Variants in MEF2D observed in about 807,000 individuals in gnomAD.
MEF2D encodes the protein myocyte enhancer factor 2D.
MEF2D carries 10 observed loss-of-function variants against 59.3 expected under a neutral mutation model. The ratio of observed to expected loss-of-function variants is 0.17; its 90% CI spans 0.10 to 0.29. The LOEUF (loss-of-function observed/expected upper bound fraction) is 0.29. Among genes scored for constraint, MEF2D ranks in the 10% least tolerant of loss-of-function variants. MEF2D has a pLI of 1.00. For missense variants in MEF2D, 508 were observed against 699.4 expected (o/e 0.73, Z 3.09); for synonymous variants, 305 against 295.0 (o/e 1.03, Z -0.35).
rs1671669907 is a variant in MEF2D at position 156,477,147 on chromosome 1, G to C, written c.720C>G (p.Gly240=). ...ASPGLLPVAN[G]NSLNKVIPAK... ...CAGGGATGACCTTGTTTAGGCTGTT[G>C]CCATTGGCCACAGGGAGGAGGCCAG... The change falls in exon 7 of 12, where the codon GGC becomes GGG. Residue 240 remains glycine (G), a synonymous_variant. Transcript: ENST00000348159. 2 of 1,613,824 alleles carry C rather than the reference G, an allele frequency of 1.2e-6. No individual in the cohort carries two copies. Among genetic ancestry groups the C allele is most frequent in the East Asian group, 4.5e-5 (2 of 44,868 alleles).
chr1:156,477,278 A>C, intron 6 of MEF2D, 76 bp from the exon 7 acceptor site: 3 of 1,281,588 alleles, frequency 2.3e-6, no homozygotes, highest in Non-Finnish European at 2.2e-6. Flanking sequence ...CCCCACACCA[A>C]TACTCCTGTT....
Position 156,482,602 on chromosome 1 carries a change from C to T in MEF2D, c.93G>A (p.Lys31=). 1 of 1,614,230 alleles carries T rather than the reference C, an allele frequency of 6.2e-7. No individual in the cohort carries two copies. The highest frequency in any genetic ancestry group is 8.5e-7 in the Non-Finnish European group (1 of 1,180,044). The change falls in exon 3 of 12, where the codon AAG becomes AAA. Residue 31 remains lysine (K), a synonymous_variant. Coordinates refer to ENST00000348159, the MANE Select transcript of MEF2D (RefSeq NM_005920.4). Reference sequence around the variant, plus strand: ...CACATAGCACGCTCAGCTCATACGCCTTCTTCATCAGGCCAAACTTCCGCT... The same window carrying T: ...CACATAGCACGCTCAGCTCATACGCTTTCTTCATCAGGCCAAACTTCCGCT... ...FTKRKFGLMK[K]AYELSVLCDC...
chr1:156,495,440 G>A (rs1673072554), intron 1 of MEF2D, among the ~76,000 whole-genome samples: 1 of 152,146 alleles, frequency 6.6e-6, no homozygotes, highest in African/African-American at 2.4e-5. Context: ...TTGGCACACA[G>A]GAACATAAGA....
At chr1:156,475,770 C>T (rs553706736) in intron 8 of MEF2D, among the ~76,000 whole-genome samples, 3 of 152,348 alleles carry the variant, frequency 2.0e-5, no homozygotes, top group African/African-American at 4.8e-5. Context: ...CCGTGTTGGC[C>T]GCCAAAGCCT....
intron 9 of MEF2D, 39 bp from the exon 10 acceptor site, chr1:156,469,059 G>A (rs773305556): frequency 1.3e-6 from 2 of 1,563,322 alleles, no homozygotes; most frequent in Admixed American, 1.7e-5. Context: ...TGGAGTTGGG[G>A]AGAGCACACA....
intron 1 of MEF2D, among the ~76,000 whole-genome samples, chr1:156,484,871 G>A (rs1474635707): frequency 6.6e-6 from 1 of 152,196 alleles, no homozygotes; most frequent in Non-Finnish European, 1.5e-5. Flanking sequence ...CTTGGGGACT[G>A]GAAGGGCCCA....
At chr1:156,480,798 G>C (rs753369254) in intron 4 of MEF2D, 36 bp downstream of exon 4, 8 of 1,594,726 alleles carry the variant, frequency 5.0e-6, no homozygotes, top group Non-Finnish European at 6.8e-6. Flanking sequence ...GGGGCCGGAA[G>C]GGGGGGCCAA....
At position 156,463,852 on chromosome 1, in the gene MEF2D, T is replaced by C. The variant is rs1670669752; in HGVS notation, c.*3793A>G. ...TGTCTTTTCTTATTGTGTAGAATAC[T>C]AAGAAAGCATCACCATACAGCACGA... On this transcript the variant is annotated 3_prime_UTR_variant, in exon 12 of 12. Coordinates refer to ENST00000348159, the MANE Select transcript of MEF2D (RefSeq NM_005920.4). The C allele has an allele frequency of 6.6e-6, 1 of 152,646 alleles. No homozygotes were observed. Among genetic ancestry groups the C allele is most frequent in the Non-Finnish European group, 1.5e-5 (1 of 68,036 alleles). The allele number at this position is 152,646 out of a possible 1,614,324, so 9.5% of individuals were successfully genotyped here.
At position 156,468,321 on chromosome 1, in the gene MEF2D, G is replaced by A. The variant is rs1485697569; in HGVS notation, c.1248-22C>T. 7.3e-6 allele frequency: 11 copies of A among 1,515,708 alleles called. No homozygotes were observed. Among genetic ancestry groups the A allele is most frequent in the Non-Finnish European group, 8.9e-6 (10 of 1,129,116 alleles). 93.9% of individuals were successfully genotyped at this position (1,515,708 alleles called of 1,614,324 possible). On this transcript the variant is annotated intron_variant, in intron 10 of 11. Transcript: ENST00000348159. The surrounding 1 kb of genome is among the most constrained non-coding windows in gnomAD (Gnocchi z 4.3). The stretch of plus-strand genomic sequence containing the variant: ...CGGGCTGGAGGCAGGCAATGGAAAT[G>A]GGGTACAAGGGATAAAAACAGAGGG...
intron 1 of MEF2D, among the ~76,000 whole-genome samples, chr1:156,485,161 C>A (rs922173742): frequency 1.3e-5 from 2 of 152,162 alleles, no homozygotes; most frequent in Admixed American, 6.5e-5. Flanking sequence ...CCTCTGCACC[C>A]ACTGCACACT....
At chr1:156,496,600 G>C (rs936530813) in intron 1 of MEF2D, among the ~76,000 whole-genome samples, 2 of 152,120 alleles carry the variant, frequency 1.3e-5, no homozygotes, top group African/African-American at 4.8e-5. Flanking sequence ...CAAAGTTCTT[G>C]CTATGCCCTT....
At chr1:156,472,932 G>A (rs1213700557) in intron 9 of MEF2D, among the ~76,000 whole-genome samples, 3 of 151,900 alleles carry the variant, frequency 2.0e-5, no homozygotes, top group Admixed American at 6.6e-5. Flanking sequence ...GGATGGTCTC[G>A]ATCTCCTGAC....
chr1:156,496,405 G>T (rs763354101), intron 1 of MEF2D, among the ~76,000 whole-genome samples: 1 of 152,168 alleles, frequency 6.6e-6, no homozygotes, highest in African/African-American at 2.4e-5. Flanking sequence ...TCAGTGTGAG[G>T]GGCAGAGGCA....
chr1:156,478,901 T>G (rs2102087021), intron 6 of MEF2D, among the ~76,000 whole-genome samples: 1 of 152,334 alleles, frequency 6.6e-6, no homozygotes, highest in East Asian at 1.9e-4. Context: ...AGAGGGAGAA[T>G]GCACTTATGT....
At chr1:156,499,051 T>C (rs969358115) in intron 1 of MEF2D, among the ~76,000 whole-genome samples, 2 of 152,188 alleles carry the variant, frequency 1.3e-5, no homozygotes, top group African/African-American at 4.8e-5. Context: ...TACTGAGACC[T>C]TCCTGTTGGG....
rs961868636 is a variant in MEF2D at position 156,497,389 on chromosome 1, A to G, written c.-139+3097T>C. Reference sequence around the variant, plus strand: ...GTTGCCTCAAACCAGCTGGCCTGAGAGAGCCTCGAGAGTCCCAGCCATGGT... The same window carrying G: ...GTTGCCTCAAACCAGCTGGCCTGAGGGAGCCTCGAGAGTCCCAGCCATGGT... On this transcript the variant is annotated intron_variant, in intron 1 of 11. Coordinates refer to ENST00000348159, the MANE Select transcript of MEF2D (RefSeq NM_005920.4). 3.3e-5 allele frequency among the ~76,000 whole-genome samples: 5 copies of G among 152,362 alleles called. No individual in the cohort carries two copies. The South Asian group carries it at 8.3e-4, about 25-fold the overall frequency.
chr1:156,492,567 T>C (rs1672870849), intron 1 of MEF2D, among the ~76,000 whole-genome samples: 2 of 152,166 alleles, frequency 1.3e-5, no homozygotes, highest in South Asian at 4.1e-4. Context: ...TGGTCTCCAA[T>C]CCTAGGAAGT....
At chr1:156,479,997 G>A (rs1325636555) in intron 4 of MEF2D, among the ~76,000 whole-genome samples, 2 of 152,046 alleles carry the variant, frequency 1.3e-5, no homozygotes, top group Non-Finnish European at 2.9e-5. Flanking sequence ...AGAAACTCTG[G>A]GTCCATACTC....
chr1:156,465,408 TC>T lies in MEF2D; in HGVS notation c.*2236del, dbSNP rs34924929. 6.6e-6 allele frequency: 1 copy of T among 152,166 alleles called. No individual in the cohort carries two copies. The highest frequency in any genetic ancestry group is 1.5e-5 in the Non-Finnish European group (1 of 68,118). The allele number at this position is 152,166 out of a possible 1,614,324, so 9.4% of individuals were successfully genotyped here. A position where few individuals can be genotyped will look rare whatever the true frequency, so the allele number is the denominator to read the frequency against. ...AGAAGCACAGAGGGCTAACTGCCAA[TC>T]CCCCCAACTGCAGTTCAATGTGTCA... On this transcript the variant is annotated 3_prime_UTR_variant, in exon 12 of 12. Coordinates refer to ENST00000348159, the MANE Select transcript of MEF2D (RefSeq NM_005920.4).
Sources: gnomAD v4.1 joint callset for allele counts (sites outside exome capture counted in the v4.1 genomes callset) on GRCh38, gnomAD v4.1.1 for gene constraint, Gnocchi (gnomAD v3.1) non-coding constraint, MANE v1.5 for transcripts, NCBI Gene and HGNC (gene_info 2026-07-23, HGNC 2026-07-21) for gene names.